The following PRKRA variants were observed in gnomAD, a reference collection of about 807,000 sequenced individuals.
The protein encoded by PRKRA is interferon-inducible double-stranded RNA-dependent protein kinase activator A.
PRKRA carries 22 observed loss-of-function variants against 32.4 expected under a neutral mutation model. The observed-to-expected ratio is 0.68, with a 90% confidence interval of 0.49 to 0.97. The LOEUF is 0.97. Ranked by LOEUF, PRKRA falls within the 50% of genes least tolerant of loss-of-function variation. The pLI, the probability that PRKRA is intolerant of heterozygous loss-of-function variation, is 0.00. For synonymous variants in PRKRA, 139 were observed against 129.8 expected (o/e 1.07, Z -0.48); for missense variants, 319 against 375.6 (o/e 0.85, Z 1.25).
intron 2 of PRKRA, among the ~76,000 whole-genome samples, chr2:178,449,590 T>A (rs980798831): frequency 6.6e-6 from 1 of 152,266 alleles, no homozygotes; most frequent in Non-Finnish European, 1.5e-5. Context: ...AAAGAAAGCA[T>A]GAACTTTAAA....
intron 5 of PRKRA, among the ~76,000 whole-genome samples, chr2:178,441,917 C>T (rs1237497382): frequency 7.1e-6 from 1 of 141,050 alleles, no homozygotes; most frequent in East Asian, 2.1e-4. Flanking sequence ...GACGGACCCT[C>T]ACTTTGTCAC....
At chr2:178,436,420 T>C (rs1696900426) in intron 6 of PRKRA, 101 bp from the exon 7 acceptor site, 2 of 985,206 alleles carry the variant, frequency 2.0e-6, no homozygotes, top group Middle Eastern at 2.1e-4. Flanking sequence ...ACATTTAATA[T>C]GTTATAAAGC....
intron 4 of PRKRA, chr2:178,444,109 G>T (rs2154125203): frequency 7.4e-6 from 2 of 270,020 alleles, no homozygotes; most frequent in South Asian, 1.0e-4. Context: ...CTCAACAGAA[G>T]TAGAAAGAGA....
chr2:178,441,814 A>G, intron 5 of PRKRA, 110 bp from the exon 6 acceptor site: 3 of 875,908 alleles, frequency 3.4e-6, no homozygotes, highest in Admixed American at 3.8e-5. Context: ...GGTTTTTATT[A>G]TATACTAGAC....
At chr2:178,449,102 A>G (rs1231402737) in intron 2 of PRKRA, among the ~76,000 whole-genome samples, 1 of 152,238 alleles carries the variant, frequency 6.6e-6, no homozygotes. Context: ...AAGCTTGCAC[A>G]GGAAGCCATG....
chr2:178,443,031 A>AAC (rs1697173741), intron 5 of PRKRA, among the ~76,000 whole-genome samples: 1 of 152,170 alleles, frequency 6.6e-6, no homozygotes, highest in African/African-American at 2.4e-5. Context: ...GTACAGAGCC[A>AAC]ACAGTTTGTC....
chr2:178,439,079 T>C (rs1340005017), intron 6 of PRKRA: 1 of 152,238 alleles, frequency 6.6e-6, no homozygotes, highest in Non-Finnish European at 1.5e-5. Flanking sequence ...CACGTGGTCC[T>C]ACGCATTTCT....
At position 178,436,196 on chromosome 2, in the gene PRKRA, G is replaced by A; in HGVS notation, c.733C>T (p.Leu245Phe). The change falls in exon 7 of 8, where the codon CTT becomes TTT. Residue 245 changes from leucine (L) to phenylalanine (F), a missense_variant. Physicochemically the swap from Leu to Phe is conservative, Grantham distance 22. Coordinates refer to ENST00000325748, the MANE Select transcript of PRKRA (RefSeq NM_003690.5). The part of the protein sequence containing the change: ...SIPNTDYIQL[L>F]SEIAKEQGFN... ...CCTTGTTCCTTGGCAATTTCACTAAGCAGCTGGATGTAATCTGTATTTGGA... is the reference window on the plus strand; with the variant it reads ...CCTTGTTCCTTGGCAATTTCACTAAACAGCTGGATGTAATCTGTATTTGGA... 1 of 1,612,564 alleles carries A rather than the reference G, an allele frequency of 6.2e-7. No homozygotes were observed. The highest frequency in any genetic ancestry group is 8.5e-7 in the Non-Finnish European group (1 of 1,178,680).
Position 178,447,586 on chromosome 2 carries a change from C to A in PRKRA, c.236G>T (p.Gly79Val), listed in dbSNP as rs758425245. The change falls in exon 3 of 8, where the codon GGT (glycine) becomes GTT (valine). Residue 79 changes from glycine (G) to valine (V), a missense_variant and splice_region_variant. Transcript: ENST00000325748. ...RVTVGDITCT[G>V]EGTSKKLAKH... is the part of the protein sequence containing the mutation. ...CGCCAGCTTCTTACTTGTACCTTCA[C>A]CTGAATTAAGATTTAAAAAAAGAAG... is the stretch of plus-strand genomic sequence containing the variant. 1 of 1,614,020 alleles carries A rather than the reference C, an allele frequency of 6.2e-7. No homozygotes were observed. The highest frequency in any genetic ancestry group is 8.5e-7 in the Non-Finnish European group (1 of 1,179,958).
At chr2:178,443,668 C>A in intron 4 of PRKRA, 1 of 351,254 alleles carries the variant, frequency 2.8e-6, no homozygotes, top group Admixed American at 3.9e-5. Context: ...CAGGCTACTA[C>A]CGCCCTCTTT....
chr2:178,451,171 G>T lies in PRKRA; in HGVS notation c.-141C>A, dbSNP rs1395280729. 2.7e-5 allele frequency: 25 copies of T among 935,684 alleles called. No homozygotes were observed. In the East Asian group the frequency reaches 3.4e-4, roughly 13 times the overall value. The allele number at this position is 935,684 out of a possible 1,614,324, so 58.0% of individuals were successfully genotyped here. On this transcript the variant is annotated 5_prime_UTR_variant, in exon 1 of 8. Coordinates refer to ENST00000325748, the MANE Select transcript of PRKRA (RefSeq NM_003690.5). ...CGCCTCCTGCTTGCGTTGCTCCAGC[G>T]AGGGGGCAGGCAGGGTGGGGGCGGA... is the stretch of plus-strand genomic sequence containing the variant.
chr2:178,442,190 AGTT>A (rs1488658524), intron 5 of PRKRA, among the ~76,000 whole-genome samples: 2 of 152,120 alleles, frequency 1.3e-5, no homozygotes, highest in Non-Finnish European at 2.9e-5. Context: ...AGGCCTGTAT[AGTT>A]ACTAATTCTT....
In PRKRA at chr2:178,431,878, G is replaced by A. The variant is rs1320356836; in HGVS notation, c.*219C>T. ...AAATGGGTGCTACACTCTCTCTTGT[G>A]GTACAAAGTTTATAAATACAGTATA... On this transcript the variant is annotated 3_prime_UTR_variant, in exon 8 of 8. Coordinates refer to ENST00000325748, the MANE Select transcript of PRKRA (RefSeq NM_003690.5). The A allele has an allele frequency of 9.9e-6, 6 of 606,486 alleles. No individual in the cohort carries two copies. Among genetic ancestry groups the A allele is most frequent in the Non-Finnish European group, 1.4e-5 (5 of 351,204 alleles). 37.6% of individuals were successfully genotyped at this position (606,486 alleles called of 1,614,324 possible). A position where few individuals can be genotyped will look rare whatever the true frequency, so the allele number is the denominator to read the frequency against.
intron 6 of PRKRA, chr2:178,439,113 C>T (rs569194969): frequency 2.0e-5 from 3 of 152,302 alleles, no homozygotes; most frequent in East Asian, 3.9e-4. Flanking sequence ...TTCATATAGC[C>T]TATCCCTGTC....
intron 7 of PRKRA, among the ~76,000 whole-genome samples, chr2:178,434,600 C>T (rs934648232): frequency 1.3e-5 from 2 of 151,960 alleles, no homozygotes; most frequent in African/African-American, 4.8e-5. Flanking sequence ...TCATCAGCCA[C>T]CTTTTCTAAC....
At chr2:178,446,238 C>G (rs547122123) in intron 3 of PRKRA, among the ~76,000 whole-genome samples, 29 of 152,192 alleles carry the variant, frequency 1.9e-4, no homozygotes, top group African/African-American at 6.5e-4. Flanking sequence ...TGGTCTTGAA[C>G]TCCTGGCCTC....
chr2:178,436,771 CAG>C (rs1696915076), intron 6 of PRKRA, among the ~76,000 whole-genome samples: 1 of 150,114 alleles, frequency 6.7e-6, no homozygotes, highest in African/African-American at 2.4e-5. Context: ...GGAAAAAAAA[CAG>C]AAAAAAAAAC....
At chr2:178,450,781 G>C in intron 1 of PRKRA, 185 bp downstream of exon 1, 2 of 1,340,310 alleles carry the variant, frequency 1.5e-6, no homozygotes, top group East Asian at 6.1e-5. Flanking sequence ...CCACGAGAGG[G>C]GCGGGGCCCG....
intron 7 of PRKRA, among the ~76,000 whole-genome samples, chr2:178,433,102 G>A (rs1696735961): frequency 6.6e-6 from 1 of 152,214 alleles, no homozygotes; most frequent in Non-Finnish European, 1.5e-5. Context: ...TGAGTAAAGA[G>A]GCTTTCTAGT....
Sources: allele counts gnomAD v4.1 joint callset (sites outside exome capture counted in the v4.1 genomes callset), GRCh38; gene constraint gnomAD v4.1.1; transcripts MANE v1.5; gene names NCBI Gene and HGNC (gene_info 2026-07-23, HGNC 2026-07-21).